Variants in TMTC2 observed in about 807,000 individuals in gnomAD.
TMTC2 encodes protein O-mannosyl-transferase TMTC2.
A neutral mutation model predicts 82.4 loss-of-function variants in TMTC2; 43 were observed. The observed-to-expected ratio is 0.52, with a 90% CI of 0.41 to 0.67. TMTC2 has a LOEUF of 0.67. Ranked by LOEUF, TMTC2 falls within the 30% of genes least tolerant of loss-of-function variation. The pLI, the probability that TMTC2 is intolerant of heterozygous loss-of-function variation, is 0.00. For missense variants in TMTC2, 919 were observed against 1,012.4 expected, an observed-to-expected ratio of 0.91 and a Z score of 1.25; for synonymous variants, 408 against 381.9, an observed-to-expected ratio of 1.07 and a Z score of -0.80.
intron 1 of TMTC2, among the ~76,000 whole-genome samples, chr12:82,815,787 G>A (rs751452681): frequency 3.3e-5 from 5 of 152,112 alleles, no homozygotes; most frequent in Non-Finnish European, 2.9e-5. Flanking sequence ...AGACTGACAT[G>A]TTGAATCAAT....
At chr12:82,943,893 T>G (rs756508548) in intron 4 of TMTC2, among the ~76,000 whole-genome samples, 3 of 152,208 alleles carry the variant, frequency 2.0e-5, no homozygotes, top group Non-Finnish European at 2.9e-5. Context: ...AAAAATAGAA[T>G]GTTATGTAAT....
chr12:82,766,196 T>C (rs1876952754), intron 1 of TMTC2, among the ~76,000 whole-genome samples: 1 of 152,100 alleles, frequency 6.6e-6, no homozygotes, highest in African/African-American at 2.4e-5. Flanking sequence ...CAGGGCAGAG[T>C]ATGCTTCAAA....
intron 8 of TMTC2, among the ~76,000 whole-genome samples, chr12:83,017,606 T>C (rs1880730701): frequency 6.6e-6 from 1 of 152,188 alleles, no homozygotes; most frequent in Non-Finnish European, 1.5e-5. Context: ...TCCCCAGTCT[T>C]AGTGTCCGCT....
At chr12:82,813,147 A>G (rs1293475279) in intron 1 of TMTC2, among the ~76,000 whole-genome samples, 1 of 152,100 alleles carries the variant, frequency 6.6e-6, no homozygotes. Context: ...TGTAATACTT[A>G]TGCCAATATG....
At chr12:83,029,339 T>A (rs1881323891) in intron 8 of TMTC2, among the ~76,000 whole-genome samples, 1 of 152,082 alleles carries the variant, frequency 6.6e-6, no homozygotes, top group Admixed American at 6.6e-5. Context: ...AAAAAAAAAC[T>A]GATCAGCTAT....
chr12:83,037,988 C>A (rs544179737), intron 9 of TMTC2, among the ~76,000 whole-genome samples: 1 of 151,786 alleles, frequency 6.6e-6, no homozygotes, highest in Non-Finnish European at 1.5e-5. Flanking sequence ...AATGATACAA[C>A]CGGTTTTAAA....
chr12:82,834,885 T>A (rs983355735), intron 1 of TMTC2, among the ~76,000 whole-genome samples: 8 of 148,078 alleles, frequency 5.4e-5, no homozygotes, highest in African/African-American at 2.0e-4. Flanking sequence ...CATTTTATTA[T>A]TTTTTTTTTT....
Position 82,985,646 on chromosome 12 carries a change from G to A in TMTC2, c.1949-279G>A, listed in dbSNP as rs79727452. On this transcript the variant is annotated intron_variant, in intron 7 of 11. Transcript: ENST00000321196. ...AAAGAAATGATGATAAAGGACATAT[G>A]TCTGGGAATCAGATGTTCTATGTTA... Among the ~76,000 whole-genome samples the A allele has an allele frequency of 9.3e-3, 1,416 of 152,226 alleles. 18 individuals are homozygous for A. Among genetic ancestry groups the A allele is most frequent in the African/African-American group, 0.033 (1,358 of 41,548 alleles).
chr12:83,073,669 A>G (rs1048632224), intron 11 of TMTC2, among the ~76,000 whole-genome samples: 1 of 151,900 alleles, frequency 6.6e-6, no homozygotes. Context: ...GCCTTTGTTC[A>G]TATATTTTTA....
chr12:83,112,457 G>T (rs1188082255), intron 11 of TMTC2, among the ~76,000 whole-genome samples: 1 of 152,136 alleles, frequency 6.6e-6, no homozygotes, highest in African/African-American at 2.4e-5. Context: ...TTAAACTTCT[G>T]TCTTGGACTG....
chr12:82,872,972 A>G (rs1279864881), intron 2 of TMTC2, among the ~76,000 whole-genome samples: 2 of 152,188 alleles, frequency 1.3e-5, no homozygotes, highest in Non-Finnish European at 2.9e-5. Context: ...AAATATATGA[A>G]TATTTACAGT....
intron 2 of TMTC2, among the ~76,000 whole-genome samples, chr12:82,861,253 C>G (rs1342191235): frequency 1.3e-5 from 2 of 152,190 alleles, no homozygotes; most frequent in Non-Finnish European, 2.9e-5. Context: ...GGGCAAGGCT[C>G]TTGGCTGAAT....
chr12:82,905,076 A>G (rs1473665043), intron 3 of TMTC2, among the ~76,000 whole-genome samples: 1 of 151,338 alleles, frequency 6.6e-6, no homozygotes, highest in Admixed American at 6.6e-5. Context: ...CAATAAATAT[A>G]CAATTGAATT....
chr12:82,691,637 T>C (rs1428561828), intron 1 of TMTC2, among the ~76,000 whole-genome samples: 1 of 152,142 alleles, frequency 6.6e-6, no homozygotes, highest in East Asian at 1.9e-4. Flanking sequence ...CCTGGTATGA[T>C]AGGAATCCCT....
At chr12:83,041,678 G>A (rs1270783872) in intron 9 of TMTC2, among the ~76,000 whole-genome samples, 1 of 152,154 alleles carries the variant, frequency 6.6e-6, no homozygotes, top group East Asian at 1.9e-4. Context: ...GGGGATAATT[G>A]CAGGAGGATG....
chr12:82,909,089 C>T (rs908526415), intron 3 of TMTC2, among the ~76,000 whole-genome samples: 1 of 152,104 alleles, frequency 6.6e-6, no homozygotes, highest in African/African-American at 2.4e-5. Context: ...TTCTGTTTGT[C>T]CAAATAGGCC....
At chr12:83,071,716 T>C (rs778836997) in intron 11 of TMTC2, among the ~76,000 whole-genome samples, 2 of 152,160 alleles carry the variant, frequency 1.3e-5, no homozygotes, top group Non-Finnish European at 2.9e-5. Flanking sequence ...ATCTAATTCT[T>C]CCTGATTTAA....
chr12:82,728,058 C>G (rs1339369817), intron 1 of TMTC2, among the ~76,000 whole-genome samples: 1 of 152,148 alleles, frequency 6.6e-6, no homozygotes, highest in African/African-American at 2.4e-5. Context: ...TTACACTGTT[C>G]TTCCTGTGGT....
chr12:82,964,885 A>G, intron 4 of TMTC2, 139 bp from the exon 5 acceptor site: 1 of 507,812 alleles, frequency 2.0e-6, no homozygotes, highest in Non-Finnish European at 3.5e-6. Context: ...CCTTATATTT[A>G]GAATTTATTT....
Sources: gnomAD v4.1 joint callset for allele counts (sites outside exome capture counted in the v4.1 genomes callset) on GRCh38, gnomAD v4.1.1 for gene constraint, MANE v1.5 for transcripts, NCBI Gene and HGNC (gene_info 2026-07-23, HGNC 2026-07-21) for gene names.